The following RPRD1A variants were observed in gnomAD, a reference collection of about 807,000 sequenced individuals.
RPRD1A encodes regulation of nuclear pre-mRNA domain containing 1A.
RPRD1A carries 9 observed loss-of-function variants against 37.8 expected under a neutral mutation model. The observed-to-expected ratio is 0.24, with a 90% CI of 0.14 to 0.42. The LOEUF (loss-of-function observed/expected upper bound fraction) is 0.42, where lower values mean the gene tolerates loss of function less well. Ranked by LOEUF, RPRD1A falls within the 10% of genes least tolerant of loss-of-function variation. RPRD1A has a pLI of 1.00. For missense variants in RPRD1A, 255 were observed against 371.0 expected (o/e 0.69, Z 2.57); for synonymous variants, 138 against 139.7 (o/e 0.99, Z 0.08).
At chr18:36,000,531 G>A (rs952692129) in intron 6 of RPRD1A, among the ~76,000 whole-genome samples, 20 of 152,196 alleles carry the variant, frequency 1.3e-4, no homozygotes, top group African/African-American at 3.4e-4. Flanking sequence ...CCCAATGCCT[G>A]TCAACTAGGT....
At chr18:36,029,852 A>G (rs923783208) in intron 4 of RPRD1A, among the ~76,000 whole-genome samples, 1 of 151,256 alleles carries the variant, frequency 6.6e-6, no homozygotes, top group South Asian at 2.1e-4. Flanking sequence ...GTCACCCAGG[A>G]TGGAGTGCAG....
chr18:36,039,226 A>C (rs1912414329), intron 1 of RPRD1A, among the ~76,000 whole-genome samples: 1 of 152,160 alleles, frequency 6.6e-6, no homozygotes, highest in South Asian at 2.1e-4. Flanking sequence ...CCATGACTGT[A>C]AGTTTCCTGA....
rs1910382605 is a variant in RPRD1A, at chr18:36,014,589, A to C, written c.789+12311T>G. Among the ~76,000 whole-genome samples, 3 of 152,170 alleles carry C rather than the reference A, an allele frequency of 2.0e-5. No individual in the cohort carries two copies. The South Asian group carries it at 6.2e-4, about 32-fold the overall frequency. On this transcript the variant is annotated intron_variant, in intron 6 of 6. Transcript: ENST00000399022. ...CCCCGTCTCTACTAAAAATACAAAA[A>C]ACAATTAGCCGGGTGTGGTGGCGGG...
intron 1 of RPRD1A, among the ~76,000 whole-genome samples, chr18:36,056,395 C>CTGAAT (rs1167902529): frequency 1.3e-5 from 2 of 151,970 alleles, no homozygotes; most frequent in African/African-American, 2.4e-5. Context: ...TCAAGCGATT[C>CTGAAT]TCCTGCCTCA....
chr18:36,023,346 T>C (rs1394067568), intron 6 of RPRD1A, among the ~76,000 whole-genome samples: 1 of 152,206 alleles, frequency 6.6e-6, no homozygotes, highest in Non-Finnish European at 1.5e-5. Context: ...TGAAAATAAC[T>C]GTAGATCTGC....
intron 1 of RPRD1A, among the ~76,000 whole-genome samples, chr18:36,062,210 C>T (rs1005762174): frequency 6.7e-6 from 1 of 148,968 alleles, no homozygotes; most frequent in Non-Finnish European, 1.5e-5. Context: ...CCAGCTACTC[C>T]GGAGGCTGAG....
At chr18:36,033,584 C>G in intron 2 of RPRD1A, 124 bp downstream of exon 2, 1 of 733,516 alleles carries the variant, frequency 1.4e-6, no homozygotes, top group Non-Finnish European at 2.0e-6. Context: ...GAAGTCTTTT[C>G]AAATAAAAGC....
In RPRD1A at chr18:36,020,349, G is replaced by A. The variant is rs569516935; in HGVS notation, c.789+6551C>T. Reference sequence around the variant, plus strand: ...CAAATCACAGTGCTAAGAGGTAAAAGCACTGTTCAAAAAACAGATGTCCTA... The same window carrying A: ...CAAATCACAGTGCTAAGAGGTAAAAACACTGTTCAAAAAACAGATGTCCTA... On this transcript the variant is annotated intron_variant, in intron 6 of 6. Coordinates refer to ENST00000399022, the MANE Select transcript of RPRD1A (RefSeq NM_018170.5). 2.0e-5 allele frequency among the ~76,000 whole-genome samples: 3 copies of A among 152,132 alleles called. No individual in the cohort carries two copies. The South Asian group carries it at 6.2e-4, about 32-fold the overall frequency.
intron 1 of RPRD1A, among the ~76,000 whole-genome samples, chr18:36,034,595 T>C (rs1398318430): frequency 6.6e-6 from 1 of 152,204 alleles, no homozygotes. Flanking sequence ...ACATAATATT[T>C]TATACTATTC....
intron 6 of RPRD1A, among the ~76,000 whole-genome samples, chr18:36,005,257 C>T (rs924613978): frequency 1.0e-4 from 15 of 150,730 alleles, no homozygotes; most frequent in South Asian, 4.2e-4. Flanking sequence ...GCTGAGATTG[C>T]GCCACTGCAC....
chr18:36,024,709 A>G (rs1456777630), intron 6 of RPRD1A, among the ~76,000 whole-genome samples: 1 of 152,202 alleles, frequency 6.6e-6, no homozygotes, highest in Non-Finnish European at 1.5e-5. Flanking sequence ...AAGATACACA[A>G]TAGATGAAAA....
At chr18:36,060,682 AC>A (rs140055209) in intron 1 of RPRD1A, among the ~76,000 whole-genome samples, 3 of 152,020 alleles carry the variant, frequency 2.0e-5, no homozygotes, top group African/African-American at 4.8e-5. Context: ...CCAATATGTA[AC>A]CCCCCAACCT....
chr18:36,020,385 C>A (rs1238381700), intron 6 of RPRD1A, among the ~76,000 whole-genome samples: 1 of 152,166 alleles, frequency 6.6e-6, no homozygotes, highest in Admixed American at 6.5e-5. Context: ...TGTTATCTAA[C>A]CAGCAAATCT....
At chr18:36,034,013 G>A (rs531911946) in intron 1 of RPRD1A, among the ~76,000 whole-genome samples, 176 bp from the exon 2 acceptor site, 3 of 151,460 alleles carry the variant, frequency 2.0e-5, no homozygotes, top group East Asian at 3.9e-4. Flanking sequence ...TGCTAAAATC[G>A]CCAGAACTAA....
chr18:35,995,112 A>G (rs1210858322), intron 6 of RPRD1A, among the ~76,000 whole-genome samples: 1 of 152,186 alleles, frequency 6.6e-6, no homozygotes, highest in Non-Finnish European at 1.5e-5. Context: ...ACCAGGATAG[A>G]GAAGTGAGCA....
At chr18:36,007,148 C>G (rs994547461) in intron 6 of RPRD1A, among the ~76,000 whole-genome samples, 2 of 152,140 alleles carry the variant, frequency 1.3e-5, no homozygotes, top group Admixed American at 1.3e-4. Flanking sequence ...TCCAGTAGTT[C>G]TGAATTATCT....
chr18:36,065,861 T>C (rs1313817344), intron 1 of RPRD1A, among the ~76,000 whole-genome samples: 4 of 152,156 alleles, frequency 2.6e-5, no homozygotes, highest in African/African-American at 4.8e-5. Flanking sequence ...GAAATGCCTA[T>C]AAACAGTACT....
intron 1 of RPRD1A, among the ~76,000 whole-genome samples, chr18:36,058,755 C>T (rs1278366160): frequency 6.6e-6 from 1 of 152,194 alleles, no homozygotes; most frequent in Admixed American, 6.5e-5. Context: ...GGTCAAGACA[C>T]TTTCATGGGG....
At chr18:36,062,268 G>T (rs1043615390) in intron 1 of RPRD1A, among the ~76,000 whole-genome samples, 3 of 136,628 alleles carry the variant, frequency 2.2e-5, no homozygotes, top group Non-Finnish European at 4.6e-5. Context: ...AGTGAGCCGA[G>T]ATTGCGCCAC....
Sources: allele counts gnomAD v4.1 joint callset (sites outside exome capture counted in the v4.1 genomes callset), GRCh38; gene constraint gnomAD v4.1.1; transcripts MANE v1.5; gene names NCBI Gene and HGNC (gene_info 2026-07-23, HGNC 2026-07-21).